The following EYA2 variants were observed in gnomAD, a reference collection of about 807,000 sequenced individuals.
EYA2 encodes the protein EYA transcriptional coactivator and phosphatase 2, also known as protein phosphatase EYA2.
Under a neutral mutation model 69.2 loss-of-function variants are expected in EYA2, and 31 were observed. That is an observed-to-expected ratio of 0.45 (90% CI 0.34 to 0.60). EYA2 has a LOEUF of 0.60. Among genes scored for constraint, EYA2 ranks in the 20% least tolerant of loss-of-function variants. The pLI is 0.02. For synonymous variants in EYA2, 257 were observed against 279.4 expected, an observed-to-expected ratio of 0.92 and a Z score of 0.80; for missense variants, 622 against 701.2, an observed-to-expected ratio of 0.89 and a Z score of 1.28.
chr20:47,187,405 G>C (rs1353962530), intron 15 of EYA2, among the ~76,000 whole-genome samples: 6 of 151,974 alleles, frequency 3.9e-5, no homozygotes, highest in Non-Finnish European at 1.5e-5. Flanking sequence ...CTTGAAGCAG[G>C]TACCACCTGC....
intron 9 of EYA2, among the ~76,000 whole-genome samples, chr20:47,119,884 T>C (rs958659363): frequency 2.0e-5 from 3 of 150,992 alleles, no homozygotes; most frequent in African/African-American, 7.3e-5. Flanking sequence ...CTGGGCAACA[T>C]AGTAAGAGCT....
intron 9 of EYA2, among the ~76,000 whole-genome samples, chr20:47,103,815 G>A (rs2032499397): frequency 6.6e-6 from 1 of 152,200 alleles, no homozygotes; most frequent in Admixed American, 6.5e-5. Flanking sequence ...CCATATCACA[G>A]TTCATGGATA....
chr20:46,987,916 G>GACTCACTCTCTCTCTCTCTCTC (rs56288405), intron 1 of EYA2, among the ~76,000 whole-genome samples: 3 of 20,376 alleles, frequency 1.5e-4, no homozygotes, highest in African/African-American at 5.0e-4. Context: ...GACAGAGTAA[G>GACTCACTCTCTCTCTCTCTCTC]TCTCTCTCTC....
intron 5 of EYA2, among the ~76,000 whole-genome samples, chr20:47,024,745 T>TG (rs1983980878): frequency 6.6e-6 from 1 of 152,236 alleles, no homozygotes; most frequent in Non-Finnish European, 1.5e-5. Flanking sequence ...TTTCTCCTCT[T>TG]GCAAGGATCA....
At position 47,039,891 on chromosome 20, in the gene EYA2, A is replaced by AG. The variant is rs1160082725; in HGVS notation, c.415+23595dup. Reference sequence around the variant, plus strand: ...AGTCTTGCTCCGTCACCCAGGCTGGAGTGCAATGGTGCGATCTCAGCTCAC... The same window carrying AG: ...AGTCTTGCTCCGTCACCCAGGCTGGAGGTGCAATGGTGCGATCTCAGCTCAC... On this transcript the variant is annotated intron_variant, in intron 5 of 15. Coordinates refer to ENST00000327619, the MANE Select transcript of EYA2 (RefSeq NM_005244.5). Among the ~76,000 whole-genome samples the AG allele has an allele frequency of 2.6e-5, 3 of 115,346 alleles. No homozygotes were observed. The East Asian group carries it at 8.1e-4, about 31-fold the overall frequency. The allele number at this position is 115,346 out of a possible 152,430, so 75.7% of individuals were successfully genotyped here.
chr20:46,915,483 G>T (rs1019289591), intron 1 of EYA2, among the ~76,000 whole-genome samples: 10 of 152,158 alleles, frequency 6.6e-5, no homozygotes, highest in African/African-American at 2.4e-4. Flanking sequence ...GGCTCAGACA[G>T]GCCAAGGAGG....
chr20:46,999,667 C>T (rs370973002), intron 2 of EYA2, among the ~76,000 whole-genome samples: 4 of 152,162 alleles, frequency 2.6e-5, no homozygotes, highest in African/African-American at 7.2e-5. Flanking sequence ...AACTTCAAGA[C>T]CACCACCCCC....
intron 9 of EYA2, among the ~76,000 whole-genome samples, chr20:47,130,501 G>A (rs1302045537): frequency 6.6e-6 from 1 of 151,668 alleles, no homozygotes; most frequent in Non-Finnish European, 1.5e-5. Context: ...TCCTGACCTC[G>A]TGATCCACCC....
rs1389904518 is a variant in EYA2, at chr20:46,981,638, G to GA, written c.-10-8357dup. Among the ~76,000 whole-genome samples, 4 of 152,072 alleles carry GA rather than the reference G, an allele frequency of 2.6e-5. No homozygotes were observed. The South Asian group carries it at 6.2e-4, about 24-fold the overall frequency. The stretch of plus-strand genomic sequence containing the variant: ...CCTTTCTTCATGCACATTAATTTTG[G>GA]AAAAAATAAACTTTTAAATTATCAT... On this transcript the variant is annotated intron_variant, in intron 1 of 15. Transcript: ENST00000327619.
rs767270656 is a variant in EYA2 at position 47,086,643 on chromosome 20, C to A, written c.662-2596C>A. Among the ~76,000 whole-genome samples, 228 of 152,200 alleles carry A rather than the reference C, an allele frequency of 1.5e-3. 2 individuals are homozygous for A. In the Middle Eastern group the frequency reaches 0.041, roughly 27 times the overall value. On this transcript the variant is annotated intron_variant, in intron 7 of 15. Coordinates refer to ENST00000327619, the MANE Select transcript of EYA2 (RefSeq NM_005244.5). ...TGGTGCTAAACCATTCATGAGAACTCCATGCCCATGATCCAGTCACCTCCT... is the reference window on the plus strand; with the variant it reads ...TGGTGCTAAACCATTCATGAGAACTACATGCCCATGATCCAGTCACCTCCT...
At chr20:46,926,025 C>T (rs1214090703) in intron 1 of EYA2, among the ~76,000 whole-genome samples, 1 of 152,160 alleles carries the variant, frequency 6.6e-6, no homozygotes, top group African/African-American at 2.4e-5. Context: ...ATAAAAACCC[C>T]TGGAAAAATA....
At chr20:47,159,669 C>T (rs566904169) in intron 10 of EYA2, among the ~76,000 whole-genome samples, 1 of 152,172 alleles carries the variant, frequency 6.6e-6, no homozygotes, top group East Asian at 2.0e-4. Context: ...ACTCTCTGTA[C>T]TATCTTTGCA....
At position 47,169,199 on chromosome 20, in the gene EYA2, T is replaced by C; in HGVS notation, c.1037+2T>C. ...AGATGACAATGGCCAAGATTTAAGG[T>C]GGGAATTTGGGGAGTCAAAAATGCC... On this transcript the variant is annotated splice_donor_variant, in intron 11 of 15. Coordinates refer to ENST00000327619, the MANE Select transcript of EYA2 (RefSeq NM_005244.5). LOFTEE classifies it high-confidence loss of function. The C allele has an allele frequency of 1.9e-6, 3 of 1,613,748 alleles. No individual in the cohort carries two copies. The highest frequency in any genetic ancestry group is 1.7e-6 in the Non-Finnish European group (2 of 1,179,772).
At chr20:47,134,164 C>T (rs1404742242) in intron 9 of EYA2, among the ~76,000 whole-genome samples, 2 of 152,188 alleles carry the variant, frequency 1.3e-5, no homozygotes, top group Admixed American at 1.3e-4. Context: ...AAGTAAAGAC[C>T]ACCAGATAGC....
chr20:47,001,380 A>G, intron 2 of EYA2, 48 bp from the exon 3 acceptor site: 2 of 1,571,230 alleles, frequency 1.3e-6, no homozygotes, highest in Non-Finnish European at 1.8e-6. Context: ...TCTGCAGAAC[A>G]TCACCCTAAT....
At chr20:46,987,501 A>C (rs1481711041) in intron 1 of EYA2, among the ~76,000 whole-genome samples, 1 of 152,122 alleles carries the variant, frequency 6.6e-6, no homozygotes, top group Non-Finnish European at 1.5e-5. Context: ...TCCTACCCCC[A>C]GAGTTAGCCA....
At chr20:46,968,581 C>G (rs1438738622) in intron 1 of EYA2, among the ~76,000 whole-genome samples, 1 of 152,190 alleles carries the variant, frequency 6.6e-6, no homozygotes, top group Non-Finnish European at 1.5e-5. Context: ...CATCATTCCT[C>G]TAAAACAGGT....
intron 10 of EYA2, among the ~76,000 whole-genome samples, chr20:47,152,766 G>A (rs2033848177): frequency 2.0e-5 from 3 of 150,720 alleles, no homozygotes; most frequent in African/African-American, 7.3e-5. Flanking sequence ...AGCCGAGATC[G>A]CGCCACTGCA....
chr20:46,980,338 G>C (rs1347454919), intron 1 of EYA2, among the ~76,000 whole-genome samples: 1 of 152,178 alleles, frequency 6.6e-6, no homozygotes, highest in African/African-American at 2.4e-5. Context: ...GCCAGGTTAA[G>C]ACCTTTAGCA....
Sources: allele counts gnomAD v4.1 joint callset (sites outside exome capture counted in the v4.1 genomes callset), GRCh38; gene constraint gnomAD v4.1.1; transcripts MANE v1.5; gene names NCBI Gene and HGNC (gene_info 2026-07-23, HGNC 2026-07-21).